Variants in LRP1B observed in about 807,000 individuals in gnomAD.
LRP1B encodes the protein low-density lipoprotein receptor-related protein 1B.
LRP1B carries 217 observed loss-of-function variants against 556.6 expected under a neutral mutation model. The ratio of observed to expected loss-of-function variants is 0.39; its 90% CI spans 0.35 to 0.44. The LOEUF (loss-of-function observed/expected upper bound fraction) is 0.44. LRP1B is among the 20% of genes least tolerant of loss of function. LRP1B has a pLI of 1.00. For missense variants in LRP1B, 5,053 were observed against 5,620.8 expected, an observed-to-expected ratio of 0.90 and a Z score of 3.23; for synonymous variants, 2,047 against 1,865.8, an observed-to-expected ratio of 1.10 and a Z score of -2.50.
chr2:140,694,895 T>C (rs1444860771), intron 41 of LRP1B, among the ~76,000 whole-genome samples: 1 of 152,108 alleles, frequency 6.6e-6, no homozygotes, highest in Non-Finnish European at 1.5e-5. Context: ...TATTTTTTTA[T>C]TTCCAAGATA....
chr2:140,263,250 G>A (rs920952876), intron 86 of LRP1B, among the ~76,000 whole-genome samples: 4 of 151,992 alleles, frequency 2.6e-5, no homozygotes, highest in Admixed American at 6.6e-5. Flanking sequence ...CTGGCCACCC[G>A]TGGATCTTCC....
intron 27 of LRP1B, among the ~76,000 whole-genome samples, chr2:140,853,347 A>AT (rs1692518561): frequency 1.3e-5 from 2 of 152,098 alleles, no homozygotes; most frequent in Admixed American, 1.3e-4. Context: ...AACTACCGAG[A>AT]TTTTAACCAT....
chr2:141,066,610 C>A (rs1699488360), intron 7 of LRP1B, among the ~76,000 whole-genome samples: 1 of 151,778 alleles, frequency 6.6e-6, no homozygotes, highest in Non-Finnish European at 1.5e-5. Flanking sequence ...CTCAAAAAAA[C>A]ATAAGGGAAT....
At chr2:140,238,378 C>G (rs2104882390) in intron 88 of LRP1B, 82 bp from the exon 89 acceptor site, 1 of 688,394 alleles carries the variant, frequency 1.5e-6, no homozygotes, top group Non-Finnish European at 2.3e-6. Context: ...TATAGATTTA[C>G]TGACTTATTT....
At chr2:141,274,721 A>G (rs1685220696) in intron 3 of LRP1B, among the ~76,000 whole-genome samples, 1 of 152,216 alleles carries the variant, frequency 6.6e-6, no homozygotes, top group African/African-American at 2.4e-5. Context: ...ATACCATTAT[A>G]AAGCCATTAT....
At chr2:141,848,844 G>C (rs1452758608) in intron 1 of LRP1B, among the ~76,000 whole-genome samples, 1 of 151,434 alleles carries the variant, frequency 6.6e-6, no homozygotes, top group Non-Finnish European at 1.5e-5. Context: ...TGCATAAGCA[G>C]TTAATGAAAT....
intron 9 of LRP1B, among the ~76,000 whole-genome samples, chr2:141,056,017 TATTATTGTA>T (rs1183425823): frequency 2.6e-5 from 4 of 151,930 alleles, no homozygotes; most frequent in African/African-American, 9.7e-5. Flanking sequence ...AGATTTTACA[TATTATTGTA>T]ATTATGTTTC....
At chr2:140,990,196 C>CAAA (rs5834795) in intron 16 of LRP1B, among the ~76,000 whole-genome samples, 11 of 151,204 alleles carry the variant, frequency 7.3e-5, no homozygotes, top group African/African-American at 2.7e-4. Flanking sequence ...AACTCCATCT[C>CAAA]AAAAAAAATA....
intron 2 of LRP1B, among the ~76,000 whole-genome samples, chr2:141,626,843 T>C (rs1314346491): frequency 6.6e-6 from 1 of 152,218 alleles, no homozygotes; most frequent in Non-Finnish European, 1.5e-5. Context: ...AATTCATTGT[T>C]GGTGAGAATG....
At chr2:140,872,360 A>ATTTTTTT (rs59469282) in intron 25 of LRP1B, among the ~76,000 whole-genome samples, 2,214 of 60,380 alleles carry the variant, frequency 0.037, 245 homozygotes, top group African/African-American at 0.056. Context: ...GTGTCACCTG[A>ATTTTTTT]TTTTTTTTTT....
intron 7 of LRP1B, among the ~76,000 whole-genome samples, chr2:141,138,803 T>C (rs978710447): frequency 2.0e-5 from 3 of 151,898 alleles, no homozygotes; most frequent in Non-Finnish European, 4.4e-5. Flanking sequence ...TCCAAACTTA[T>C]CAGTTCAATG....
intron 1 of LRP1B, among the ~76,000 whole-genome samples, chr2:141,857,756 T>G (rs1481959820): frequency 6.6e-6 from 1 of 152,192 alleles, no homozygotes; most frequent in Non-Finnish European, 1.5e-5. Context: ...CAACATTACA[T>G]AAGGCTTTCA....
intron 18 of LRP1B, among the ~76,000 whole-genome samples, chr2:140,967,418 A>G (rs1038026259): frequency 6.6e-5 from 10 of 152,066 alleles, no homozygotes; most frequent in African/African-American, 2.4e-4. Context: ...GAAGTTGCTT[A>G]TCAGCTTAAG....
intron 7 of LRP1B, among the ~76,000 whole-genome samples, chr2:141,084,062 C>T (rs181955272): frequency 6.2e-4 from 94 of 152,142 alleles, no homozygotes; most frequent in African/African-American, 2.0e-3. Flanking sequence ...TACTTTTATA[C>T]GGTTGGTGTG....
intron 2 of LRP1B, among the ~76,000 whole-genome samples, chr2:141,484,192 T>G (rs951388515): frequency 2.0e-5 from 3 of 147,226 alleles, no homozygotes; most frequent in African/African-American, 7.4e-5. Flanking sequence ...GCTAGCCAGT[T>G]TTCCCAGCAC....
Position 140,700,521 on chromosome 2 carries a change from T to G in LRP1B, c.6528A>C (p.Ala2176=). The G allele has an allele frequency of 6.2e-7, 1 of 1,613,550 alleles. No individual in the cohort carries two copies. ...RTCACAHGYL[A]EDGVTCLRHE... ...GCCTCAGGCAAGTAACTCCATCTTCTGCCAAATATCCATGGGCACAAGCAC... is the reference window on the plus strand; with the variant it reads ...GCCTCAGGCAAGTAACTCCATCTTCGGCCAAATATCCATGGGCACAAGCAC... The change falls in exon 41 of 91, where the codon GCA becomes GCC. Residue 2176 remains alanine, a synonymous_variant. Coordinates refer to ENST00000389484, the MANE Select transcript of LRP1B (RefSeq NM_018557.3).
At chr2:141,849,089 G>A (rs748570864) in intron 1 of LRP1B, among the ~76,000 whole-genome samples, 7 of 151,502 alleles carry the variant, frequency 4.6e-5, no homozygotes, top group Non-Finnish European at 7.4e-5. Flanking sequence ...TGCTAAACAC[G>A]TATTTGGGGG....
At chr2:142,037,627 C>T (rs16847971) in intron 1 of LRP1B, among the ~76,000 whole-genome samples, 12,304 of 151,624 alleles carry the variant, frequency 0.081, 590 homozygotes, top group Non-Finnish European at 0.11. Flanking sequence ...GGGAAATGTA[C>T]TCTCTGAGTG....
intron 2 of LRP1B, among the ~76,000 whole-genome samples, chr2:141,791,355 C>T (rs945803825): frequency 6.6e-6 from 1 of 151,900 alleles, no homozygotes; most frequent in African/African-American, 2.4e-5. Flanking sequence ...TTTCAGTGCT[C>T]TATTTATATG....
Sources: gnomAD v4.1 joint callset for allele counts (sites outside exome capture counted in the v4.1 genomes callset) on GRCh38, gnomAD v4.1.1 for gene constraint, MANE v1.5 for transcripts, NCBI Gene and HGNC (gene_info 2026-07-23, HGNC 2026-07-21) for gene names.